The following LGR4 variants were observed in gnomAD, a reference collection of about 807,000 sequenced individuals.
LGR4 encodes leucine rich repeat containing G protein-coupled receptor 4, also known as leucine-rich repeat-containing G protein-coupled receptor 4.
Under a neutral mutation model 84.8 loss-of-function variants are expected in LGR4, and 44 were observed. The observed-to-expected ratio is 0.52, with a 90% CI of 0.41 to 0.67. The LOEUF (loss-of-function observed/expected upper bound fraction) is 0.67, where lower values mean the gene tolerates loss of function less well. Among genes scored for constraint, LGR4 ranks in the 30% least tolerant of loss-of-function variants. LGR4 has a pLI of 0.00. For missense variants in LGR4, 1,032 were observed against 1,131.4 expected (o/e 0.91, Z 1.26); for synonymous variants, 429 against 434.3 (o/e 0.99, Z 0.15).
intron 1 of LGR4, among the ~76,000 whole-genome samples, chr11:27,445,883 T>TA (rs5790653): frequency 0.41 from 59,286 of 146,366 alleles, 13,446 homozygotes; most frequent in South Asian, 0.56. Context: ...TCTCAAAAAA[T>TA]AAAAAAAAAA....
At chr11:27,371,743 C>T in intron 16 of LGR4, 45 bp from the exon 17 acceptor site, 2 of 1,391,688 alleles carry the variant, frequency 1.4e-6, no homozygotes, top group African/African-American at 2.8e-5. Flanking sequence ...CCTTATGCAA[C>T]TCAAAAGAAC....
chr11:27,399,944 A>T (rs1186940582), intron 2 of LGR4, among the ~76,000 whole-genome samples: 1 of 152,206 alleles, frequency 6.6e-6, no homozygotes, highest in Admixed American at 6.5e-5. Context: ...AAACTGAAAG[A>T]GGTACACTGG....
At chr11:27,399,809 G>A (rs901905232) in intron 2 of LGR4, among the ~76,000 whole-genome samples, 1 of 152,092 alleles carries the variant, frequency 6.6e-6, no homozygotes, top group Admixed American at 6.5e-5. Context: ...ATGAGCCACC[G>A]CACCCGGCTG....
At chr11:27,437,660 AGTGTGTGT>A (rs10659033) in intron 1 of LGR4, among the ~76,000 whole-genome samples, 27 of 140,138 alleles carry the variant, frequency 1.9e-4, no homozygotes, top group Middle Eastern at 3.7e-3. Flanking sequence ...TTAAAGGACT[AGTGTGTGT>A]GTGTGTGTGT....
intron 4 of LGR4, among the ~76,000 whole-genome samples, chr11:27,386,225 A>G (rs1002631401): frequency 5.9e-5 from 9 of 152,236 alleles, no homozygotes; most frequent in Non-Finnish European, 4.4e-5. Context: ...CCTTACTAAT[A>G]GGATTACTTA....
At chr11:27,446,492 C>G (rs1312929553) in intron 1 of LGR4, among the ~76,000 whole-genome samples, 1 of 152,186 alleles carries the variant, frequency 6.6e-6, no homozygotes, top group African/African-American at 2.4e-5. Flanking sequence ...GAGATACCAT[C>G]TCACACCAGT....
intron 1 of LGR4, among the ~76,000 whole-genome samples, chr11:27,422,142 G>A (rs1327707091): frequency 1.3e-5 from 2 of 152,130 alleles, no homozygotes; most frequent in Non-Finnish European, 1.5e-5. Flanking sequence ...TCAACAAGAA[G>A]TATTATAAAG....
At chr11:27,426,828 T>C (rs902692416) in intron 1 of LGR4, among the ~76,000 whole-genome samples, 4 of 152,204 alleles carry the variant, frequency 2.6e-5, no homozygotes, top group Non-Finnish European at 4.4e-5. Context: ...TCCTGGTCCA[T>C]GATTCTTTCC....
chr11:27,449,486 G>A (rs1374522935), intron 1 of LGR4, among the ~76,000 whole-genome samples: 1 of 151,986 alleles, frequency 6.6e-6, no homozygotes, highest in African/African-American at 2.4e-5. Context: ...AAAGGCTGAG[G>A]CAGGAGGGTG....
chr11:27,370,479 C>T (rs565932128), intron 17 of LGR4, among the ~76,000 whole-genome samples: 1 of 152,202 alleles, frequency 6.6e-6, no homozygotes, highest in Non-Finnish European at 1.5e-5. Flanking sequence ...CCGTCCCTGT[C>T]TTTGGAAGCC....
At chr11:27,446,420 A>G (rs1864391376) in intron 1 of LGR4, among the ~76,000 whole-genome samples, 1 of 152,232 alleles carries the variant, frequency 6.6e-6, no homozygotes, top group South Asian at 2.1e-4. Flanking sequence ...TGCAGCCAAA[A>G]GACACATGAA....
intron 1 of LGR4, among the ~76,000 whole-genome samples, chr11:27,425,663 G>A (rs1864010167): frequency 6.6e-6 from 1 of 152,026 alleles, no homozygotes; most frequent in African/African-American, 2.4e-5. Context: ...ACTCTCAAAG[G>A]TATCCTACTA....
Position 27,367,861 on chromosome 11 carries a change from A to G in LGR4, c.*6T>C. ...TGACGGGGGAAACGGTTACACACACAGTAGTTCAGTCTTTAACTCTTGGTA... is the reference window on the plus strand; with the variant it reads ...TGACGGGGGAAACGGTTACACACACGGTAGTTCAGTCTTTAACTCTTGGTA... On this transcript the variant is annotated 3_prime_UTR_variant, in exon 18 of 18. Coordinates refer to ENST00000379214, the MANE Select transcript of LGR4 (RefSeq NM_018490.5). 1 of 1,571,356 alleles carries G rather than the reference A, an allele frequency of 6.4e-7. No homozygotes were observed. The highest frequency in any genetic ancestry group is 8.6e-7 in the Non-Finnish European group (1 of 1,163,696).
chr11:27,372,308 C>T lies in LGR4; in HGVS notation c.1470G>A (p.Gln490=), dbSNP rs1043026320. The change falls in exon 16 of 18, where the codon CAG becomes CAA. Residue 490 remains glutamine, a synonymous_variant. Transcript: ENST00000379214. ...ANLNTEDNSL[Q]DHSVAQEKGT... is the part of the protein sequence containing the mutation. ...CTTTCTCCTGTGCCACACTGTGGTC[C>T]TGGAGGCTGTTATCTTCTGTGTTTA... The T allele has an allele frequency of 1.2e-6, 2 of 1,612,592 alleles. No individual in the cohort carries two copies. Among genetic ancestry groups the T allele is most frequent in the Admixed American group, 3.3e-5 (2 of 59,990 alleles).
intron 1 of LGR4, among the ~76,000 whole-genome samples, chr11:27,437,874 G>A (rs775673149): frequency 9.9e-5 from 15 of 152,122 alleles, no homozygotes; most frequent in Non-Finnish European, 1.5e-4. Context: ...GAGGGGTGGC[G>A]TGCCCTGTAG....
intron 4 of LGR4, among the ~76,000 whole-genome samples, chr11:27,385,740 A>G (rs1201533921): frequency 6.6e-6 from 1 of 152,048 alleles, no homozygotes; most frequent in Non-Finnish European, 1.5e-5. Flanking sequence ...ACTTTATAGC[A>G]GAAAGATATA....
intron 1 of LGR4, among the ~76,000 whole-genome samples, chr11:27,446,214 T>C (rs1415074601): frequency 1.3e-5 from 2 of 152,190 alleles, no homozygotes; most frequent in Non-Finnish European, 2.9e-5. Context: ...TTGTAAAAAT[T>C]TTCTCCCATT....
At chr11:27,420,590 T>C (rs1863908706) in intron 1 of LGR4, among the ~76,000 whole-genome samples, 1 of 152,088 alleles carries the variant, frequency 6.6e-6, no homozygotes, top group Non-Finnish European at 1.5e-5. Flanking sequence ...AGTATGTTCA[T>C]AACAATTATT....
At position 27,368,101 on chromosome 11, in the gene LGR4, G is replaced by A; in HGVS notation, c.2622C>T (p.His874=). The A allele has an allele frequency of 1.2e-6, 2 of 1,611,464 alleles. No individual in the cohort carries two copies. The highest frequency in any genetic ancestry group is 1.7e-6 in the Non-Finnish European group (2 of 1,178,504). ...CAGGACAGCTGTGTGATTTTATCAA[G>A]TGTTTGCATGATACTGGCTTTGTTA... ...FLLTKPVSCK[H]LIKSHSCPAL... The change falls in exon 18 of 18, where the codon CAC becomes CAT. Residue 874 remains histidine (H), a synonymous_variant. Transcript: ENST00000379214.
Sources: gnomAD v4.1 joint callset for allele counts (sites outside exome capture counted in the v4.1 genomes callset) on GRCh38, gnomAD v4.1.1 for gene constraint, MANE v1.5 for transcripts, NCBI Gene and HGNC (gene_info 2026-07-23, HGNC 2026-07-21) for gene names.